The following GLRA2 variants were observed in gnomAD, a reference collection of about 807,000 sequenced individuals.
The protein encoded by GLRA2 is glycine receptor alpha 2.
In GLRA2, 11 loss-of-function variants were observed where a neutral mutation model predicts 31.6. The observed-to-expected ratio is 0.35, with a 90% CI of 0.22 to 0.58. The LOEUF is 0.58. Among genes scored for constraint, GLRA2 ranks in the 20% least tolerant of loss-of-function variants. The pLI, the probability that GLRA2 is intolerant of heterozygous loss-of-function variation, is 0.84. For missense variants in GLRA2, 212 were observed against 351.8 expected (o/e 0.60, Z 3.18); for synonymous variants, 132 against 134.0 (o/e 0.99, Z 0.10).
At chrX:14,695,576 G>T (rs1404724359) in intron 8 of GLRA2, among the ~76,000 whole-genome samples, 2 of 112,108 alleles carry the variant, frequency 1.8e-5, no homozygotes, top group East Asian at 2.8e-4. Context: ...GCACAAAGAG[G>T]TTAAATAGCT....
the GLRA2 span, among the ~76,000 whole-genome samples, chrX:14,474,985 A>G: frequency 8.9e-6 from 1 of 111,906 alleles, no homozygotes; most frequent in East Asian, 2.8e-4. Context: ...CCTTGTTGCA[A>G]TCTACCACAC....
At position 14,686,695 on chromosome X, in the gene GLRA2, G is replaced by A. The variant is rs769704823; in HGVS notation, c.931-4015G>A. Among the ~76,000 whole-genome samples the A allele has an allele frequency of 6.4e-5, 7 of 110,066 alleles. No individual in the cohort carries two copies. The South Asian group carries it at 2.7e-3, about 43-fold the overall frequency. On this transcript the variant is annotated intron_variant, in intron 7 of 8. Transcript: ENST00000218075. Reference sequence around the variant, plus strand: ...AGATCTTCCTCCATCCCTTTATTTTGAGCCTATGTGTGTCTCTGCATGTGA... The same window carrying A: ...AGATCTTCCTCCATCCCTTTATTTTAAGCCTATGTGTGTCTCTGCATGTGA...
In GLRA2 at chrX:14,689,977, C is replaced by T. The variant is rs886329665; in HGVS notation, c.931-733C>T. 5.4e-5 allele frequency among the ~76,000 whole-genome samples: 6 copies of T among 112,126 alleles called. No individual in the cohort carries two copies. In the Admixed American group the frequency reaches 5.7e-4, roughly 11 times the overall value. ...AGGGTTATCAAAGTTTTCTTTTTAACCAGATACCTTCTCAAGGCTGTATTC... is the reference window on the plus strand; with the variant it reads ...AGGGTTATCAAAGTTTTCTTTTTAATCAGATACCTTCTCAAGGCTGTATTC... On this transcript the variant is annotated intron_variant, in intron 7 of 8. Transcript: ENST00000218075.
intron 7 of GLRA2, among the ~76,000 whole-genome samples, chrX:14,637,468 C>T (rs998918050): frequency 2.7e-5 from 3 of 112,038 alleles, no homozygotes; most frequent in African/African-American, 9.7e-5. Context: ...TAATATGAAA[C>T]ATAAATATTT....
At chrX:14,531,990 C>T (rs908157512) in intron 1 of GLRA2, among the ~76,000 whole-genome samples, 1 of 111,596 alleles carries the variant, frequency 9.0e-6, no homozygotes, top group Non-Finnish European at 1.9e-5. Context: ...TGTCTGTTCT[C>T]AAACATCTTA....
the GLRA2 span, among the ~76,000 whole-genome samples, chrX:14,456,762 T>C: frequency 8.9e-6 from 1 of 112,511 alleles, no homozygotes; most frequent in Admixed American, 9.5e-5. Flanking sequence ...CATCTGTTGT[T>C]GGGCACGTAG....
chrX:14,674,183 T>C (rs1225389562), intron 7 of GLRA2, among the ~76,000 whole-genome samples: 1 of 112,347 alleles, frequency 8.9e-6, no homozygotes, highest in African/African-American at 3.2e-5. Flanking sequence ...TGTAAGCTTT[T>C]TGTTGATGAT....
chrX:14,522,534 G>A, the GLRA2 span, among the ~76,000 whole-genome samples: 2 of 111,913 alleles, frequency 1.8e-5, no homozygotes, highest in African/African-American at 3.2e-5. Context: ...GAAGGTTTTC[G>A]ATTTACTTTT....
intron 7 of GLRA2, among the ~76,000 whole-genome samples, chrX:14,619,797 A>G: frequency 9.0e-6 from 1 of 110,978 alleles, no homozygotes; most frequent in Non-Finnish European, 1.9e-5. Context: ...TAGCTTGATT[A>G]TAAGCTCCAT....
At chrX:14,719,843 T>C (rs1358730107) in intron 8 of GLRA2, among the ~76,000 whole-genome samples, 2 of 112,314 alleles carry the variant, frequency 1.8e-5, no homozygotes, top group Non-Finnish European at 3.8e-5. Context: ...GTAGTGTTCA[T>C]ACATAATGGA....
chrX:14,725,707 G>A (rs2091921657), intron 8 of GLRA2, among the ~76,000 whole-genome samples: 1 of 111,989 alleles, frequency 8.9e-6, no homozygotes, highest in Non-Finnish European at 1.9e-5. Flanking sequence ...GTGAGCTTTA[G>A]GTCAATTTCC....
chrX:14,510,910 G>T, the GLRA2 span, among the ~76,000 whole-genome samples: 1 of 108,702 alleles, frequency 9.2e-6, no homozygotes, highest in East Asian at 2.9e-4. Context: ...TAACACTTTG[G>T]TTTTTTTTTA....
At chrX:14,572,238 G>A (rs904064674) in intron 2 of GLRA2, among the ~76,000 whole-genome samples, 1 of 112,306 alleles carries the variant, frequency 8.9e-6, no homozygotes, top group Non-Finnish European at 1.9e-5. Context: ...GGGTAGGCTA[G>A]AGAAGCAGAA....
At chrX:14,633,217 T>C (rs2090670857) in intron 7 of GLRA2, among the ~76,000 whole-genome samples, 1 of 112,129 alleles carries the variant, frequency 8.9e-6, no homozygotes, top group African/African-American at 3.2e-5. Flanking sequence ...ATGAATTGGC[T>C]AGGTGCAGCA....
At chrX:14,462,116 T>G in the GLRA2 span, among the ~76,000 whole-genome samples, 5 of 111,864 alleles carry the variant, frequency 4.5e-5, no homozygotes, top group South Asian at 3.7e-4. Flanking sequence ...AAGCTTAGTT[T>G]GGCTGGATAT....
the GLRA2 span, among the ~76,000 whole-genome samples, chrX:14,512,892 TCAGAA>T: frequency 1.8e-5 from 2 of 110,939 alleles, no homozygotes; most frequent in South Asian, 3.8e-4. Flanking sequence ...ACCATCATTC[TCAGAA>T]CAGAACTAGA....
intron 7 of GLRA2, among the ~76,000 whole-genome samples, chrX:14,667,084 A>G (rs1037016417): frequency 8.0e-5 from 9 of 112,323 alleles, no homozygotes; most frequent in African/African-American, 2.6e-4. Context: ...AAAATATGCA[A>G]TTCATTTTGG....
chrX:14,674,815 C>A (rs1462916335), intron 7 of GLRA2, among the ~76,000 whole-genome samples: 1 of 109,686 alleles, frequency 9.1e-6, no homozygotes, highest in African/African-American at 3.3e-5. Context: ...TCTGACTACA[C>A]AAACATTTAT....
intron 7 of GLRA2, among the ~76,000 whole-genome samples, chrX:14,667,159 G>A (rs898109515): frequency 2.7e-5 from 3 of 111,992 alleles, no homozygotes; most frequent in Middle Eastern, 4.6e-3. Context: ...AAGTGATTCC[G>A]TAATAAACCC....
Sources: gnomAD v4.1 joint callset for allele counts (sites outside exome capture counted in the v4.1 genomes callset) on GRCh38, gnomAD v4.1.1 for gene constraint, MANE v1.5 for transcripts, NCBI Gene and HGNC (gene_info 2026-07-23, HGNC 2026-07-21) for gene names.